The following IBTK variants were observed in gnomAD, a reference collection of about 807,000 sequenced individuals.
The protein encoded by IBTK is BTK-binding protein.
Under a neutral mutation model 154.9 loss-of-function variants are expected in IBTK, and 83 were observed. The ratio of observed to expected loss-of-function variants is 0.54; its 90% CI spans 0.45 to 0.64. The LOEUF (loss-of-function observed/expected upper bound fraction) is 0.64, where lower values mean the gene tolerates loss of function less well. Among genes scored for constraint, IBTK ranks in the 30% least tolerant of loss-of-function variants. The pLI is 0.00. For missense variants in IBTK, 1,332 were observed against 1,584.6 expected, an observed-to-expected ratio of 0.84 and a Z score of 2.71; for synonymous variants, 515 against 536.1, an observed-to-expected ratio of 0.96 and a Z score of 0.54.
intron 16 of IBTK, among the ~76,000 whole-genome samples, chr6:82,209,534 A>G (rs928461810): frequency 1.3e-5 from 2 of 152,190 alleles, no homozygotes; most frequent in Non-Finnish European, 2.9e-5. Context: ...GACAGAAAAC[A>G]TAATAGGGGT....
intron 19 of IBTK, 44 bp from the exon 20 acceptor site, chr6:82,200,752 AGT>A (rs1769174360): frequency 4.6e-4 from 232 of 500,870 alleles, no homozygotes; most frequent in East Asian, 6.4e-4. Context: ...AAATCTGTGA[AGT>A]TTTTTTTTTT....
rs2127809794 is a variant in IBTK at position 82,204,977 on chromosome 6, C to T, written c.2510-19G>A. The T allele has an allele frequency of 6.7e-7, 1 of 1,494,260 alleles. No homozygotes were observed. Among genetic ancestry groups the T allele is most frequent in the Non-Finnish European group, 9.2e-7 (1 of 1,089,632 alleles). 92.6% of individuals were successfully genotyped at this position (1,494,260 alleles called of 1,614,324 possible). A position where few individuals can be genotyped will look rare whatever the true frequency, so the allele number is the denominator to read the frequency against. On this transcript the variant is annotated intron_variant, in intron 16 of 28. Coordinates refer to ENST00000306270, the MANE Select transcript of IBTK (RefSeq NM_015525.4). Reference sequence around the variant, plus strand: ...TGAGATTCTAAAAAAAGAAAGAAAACAAGCATCACTTTTTCTTTGTATACA... The same window carrying T: ...TGAGATTCTAAAAAAAGAAAGAAAATAAGCATCACTTTTTCTTTGTATACA...
chr6:82,222,843 C>T (rs1562098629), intron 8 of IBTK, among the ~76,000 whole-genome samples: 1 of 150,954 alleles, frequency 6.6e-6, no homozygotes, highest in African/African-American at 2.4e-5. Flanking sequence ...ACAGGAGGGA[C>T]GCTTGAACCC....
intron 1 of IBTK, among the ~76,000 whole-genome samples, chr6:82,243,579 C>T (rs1771035550): frequency 6.6e-6 from 1 of 152,156 alleles, no homozygotes; most frequent in Non-Finnish European, 1.5e-5. Context: ...CACTGAGTAG[C>T]CCTCTTGGTT....
chr6:82,222,433 G>C (rs901436685), intron 8 of IBTK, among the ~76,000 whole-genome samples: 1 of 151,936 alleles, frequency 6.6e-6, no homozygotes, highest in Non-Finnish European at 1.5e-5. Flanking sequence ...TTAAGTACTT[G>C]TATTTTTTTA....
At position 82,214,114 on chromosome 6, in the gene IBTK, C is replaced by T. The variant is rs1447444650; in HGVS notation, c.2204+113G>A. 3.8e-6 allele frequency: 4 copies of T among 1,042,968 alleles called. No individual in the cohort carries two copies. The African/African-American group carries it at 6.5e-5, about 17-fold the overall frequency. 64.6% of individuals were successfully genotyped at this position (1,042,968 alleles called of 1,614,324 possible). A position where few individuals can be genotyped will look rare whatever the true frequency, so the allele number is the denominator to read the frequency against. On this transcript the variant is annotated intron_variant, in intron 12 of 28. Coordinates refer to ENST00000306270, the MANE Select transcript of IBTK (RefSeq NM_015525.4). ...GGGACTACAGGCGCCCGCCACCACA[C>T]CCGGCTAATTTTTTGTATTTTTAGT... is the stretch of plus-strand genomic sequence containing the variant.
At position 82,171,451 on chromosome 6, in the gene IBTK, G is replaced by T; in HGVS notation, c.4036C>A (p.Pro1346Thr). The change falls in exon 29 of 29, where the codon CCT becomes ACT. Residue 1346 changes from proline to threonine, a missense_variant. Around this residue, in one of 3 missense-constraint regions of IBTK, gnomAD observed 1,134 missense variants for 1,274.7 expected, o/e 0.89. Coordinates refer to ENST00000306270, the MANE Select transcript of IBTK (RefSeq NM_015525.4). ...ERTPQGPLAV[P>T]MWNKHGC ...TAGCATCCATGCTTATTCCACATAG[G>T]TACTGCCAGTGGTCCCTGCGGTGTC... The T allele has an allele frequency of 6.2e-7, 1 of 1,612,962 alleles. No individual in the cohort carries two copies. Among genetic ancestry groups the T allele is most frequent in the African/African-American group, 1.3e-5 (1 of 74,938 alleles).
chr6:82,217,525 A>T (rs1364625558), intron 10 of IBTK, among the ~76,000 whole-genome samples: 1 of 152,186 alleles, frequency 6.6e-6, no homozygotes, highest in Non-Finnish European at 1.5e-5. Context: ...CATAGTAAAT[A>T]TATATTAAAT....
intron 8 of IBTK, among the ~76,000 whole-genome samples, chr6:82,222,185 A>C (rs952834797): frequency 6.6e-6 from 1 of 151,922 alleles, no homozygotes; most frequent in Non-Finnish European, 1.5e-5. Flanking sequence ...AAAAAAAAAA[A>C]AGTAATTGTT....
At chr6:82,232,428 G>C (rs1381668062) in intron 3 of IBTK, among the ~76,000 whole-genome samples, 1 of 152,102 alleles carries the variant, frequency 6.6e-6, no homozygotes, top group Non-Finnish European at 1.5e-5. Flanking sequence ...TAGTGATTAG[G>C]GTAAAGCCCA....
chr6:82,206,132 G>C (rs1020735893), intron 16 of IBTK, among the ~76,000 whole-genome samples: 23 of 152,088 alleles, frequency 1.5e-4, no homozygotes, highest in Non-Finnish European at 1.5e-5. Flanking sequence ...AAGAACAGTG[G>C]GATTCAGGAC....
intron 23 of IBTK, among the ~76,000 whole-genome samples, chr6:82,193,808 A>G (rs1768876088): frequency 6.6e-6 from 1 of 151,926 alleles, no homozygotes; most frequent in African/African-American, 2.4e-5. Flanking sequence ...CAGCCTCCCA[A>G]GTAGCTCGGA....
At chr6:82,180,779 A>C (rs758765469) in intron 26 of IBTK, among the ~76,000 whole-genome samples, 28 of 152,326 alleles carry the variant, frequency 1.8e-4, no homozygotes, top group Non-Finnish European at 3.1e-4. Context: ...CATTGTTGTC[A>C]GAAGACTTTG....
intron 26 of IBTK, among the ~76,000 whole-genome samples, chr6:82,181,285 T>C (rs1222553763): frequency 6.6e-6 from 1 of 152,010 alleles, no homozygotes; most frequent in Admixed American, 6.6e-5. Context: ...TACCTAAAGG[T>C]CCATCAACAG....
chr6:82,198,271 T>C (rs578205549), intron 21 of IBTK, among the ~76,000 whole-genome samples: 1 of 152,276 alleles, frequency 6.6e-6, no homozygotes, highest in South Asian at 2.1e-4. Flanking sequence ...GTCTATCCAT[T>C]ATTCATCCTT....
intron 13 of IBTK, 116 bp downstream of exon 13, chr6:82,212,591 G>A (rs1200800791): frequency 2.9e-6 from 2 of 688,802 alleles, no homozygotes; most frequent in African/African-American, 3.6e-5. Flanking sequence ...TACTAGAAAA[G>A]GTAAGAGGGT....
At chr6:82,236,046 G>C (rs1770703479) in intron 2 of IBTK, among the ~76,000 whole-genome samples, 2 of 152,030 alleles carry the variant, frequency 1.3e-5, no homozygotes, top group South Asian at 4.1e-4. Flanking sequence ...GCTACTTTTT[G>C]TATTTTTAGT....
chr6:82,239,226 G>A (rs7751098), intron 2 of IBTK, among the ~76,000 whole-genome samples: 36,061 of 151,436 alleles, frequency 0.24, 4,338 homozygotes, highest in African/African-American at 0.28. Context: ...TGGATCACGA[G>A]GTCAGGAGAT....
chr6:82,226,980 T>A (rs1770321274), intron 5 of IBTK, among the ~76,000 whole-genome samples: 1 of 152,230 alleles, frequency 6.6e-6, no homozygotes, highest in Non-Finnish European at 1.5e-5. Context: ...GTATTTGCTA[T>A]AAGCAAAGTA....
Sources: allele counts gnomAD v4.1 joint callset (sites outside exome capture counted in the v4.1 genomes callset), GRCh38; gene constraint gnomAD v4.1.1; regional missense constraint gnomAD v4.1.1; transcripts MANE v1.5; gene names NCBI Gene and HGNC (gene_info 2026-07-23, HGNC 2026-07-21).